The following CCSER1 variants were observed in gnomAD, a reference collection of about 807,000 sequenced individuals.
CCSER1 encodes serine-rich coiled-coil domain-containing protein 1.
A neutral mutation model predicts 82.0 loss-of-function variants in CCSER1; 41 were observed. The observed-to-expected ratio is 0.50, with a 90% CI of 0.39 to 0.65. CCSER1 has a LOEUF of 0.65. CCSER1 is among the 30% of genes least tolerant of loss of function. The pLI, the probability that CCSER1 is intolerant of heterozygous loss-of-function variation, is 0.00. For missense variants in CCSER1, 1,119 were observed against 1,064.2 expected (o/e 1.05, Z -0.72); for synonymous variants, 414 against 383.9 (o/e 1.08, Z -0.92).
At chr4:91,437,258 C>T (rs1367244552) in intron 10 of CCSER1, among the ~76,000 whole-genome samples, 1 of 152,186 alleles carries the variant, frequency 6.6e-6, no homozygotes, top group African/African-American at 2.4e-5. Flanking sequence ...AAGTATATCT[C>T]ATACCCTGGG....
At chr4:91,061,766 T>G (rs1743975167) in intron 9 of CCSER1, among the ~76,000 whole-genome samples, 2 of 151,632 alleles carry the variant, frequency 1.3e-5, no homozygotes, top group African/African-American at 4.8e-5. Context: ...GTTAATTTAT[T>G]TTTTTTTCAC....
intron 7 of CCSER1, among the ~76,000 whole-genome samples, chr4:90,731,388 A>G (rs1218517054): frequency 6.6e-6 from 1 of 152,166 alleles, no homozygotes; most frequent in East Asian, 1.9e-4. Flanking sequence ...TGCAGGGGAT[A>G]ATATTCAATC....
intron 10 of CCSER1, among the ~76,000 whole-genome samples, chr4:91,196,538 C>CAG (rs148258015): frequency 0.016 from 2,460 of 152,284 alleles, 54 homozygotes; most frequent in African/African-American, 0.054. Context: ...GAAAAATCCG[C>CAG]AGTCATGACA....
chr4:90,749,049 C>A (rs1748077159), intron 7 of CCSER1, among the ~76,000 whole-genome samples: 1 of 151,608 alleles, frequency 6.6e-6, no homozygotes, highest in African/African-American at 2.4e-5. Flanking sequence ...TAATTAGATC[C>A]CATTTGTCAA....
intron 4 of CCSER1, among the ~76,000 whole-genome samples, chr4:90,439,440 C>A (rs1379556673): frequency 6.6e-6 from 1 of 152,104 alleles, no homozygotes; most frequent in Non-Finnish European, 1.5e-5. Context: ...TTTTTAGTAA[C>A]TATAAAACAT....
chr4:90,489,439 A>T (rs1420563957), intron 5 of CCSER1, among the ~76,000 whole-genome samples: 2 of 152,176 alleles, frequency 1.3e-5, no homozygotes, highest in Non-Finnish European at 2.9e-5. Flanking sequence ...GGGAGTCAGC[A>T]TTCTTATATC....
At chr4:90,175,366 C>T (rs140728144) in intron 1 of CCSER1, among the ~76,000 whole-genome samples, 4,435 of 151,798 alleles carry the variant, frequency 0.029, 107 homozygotes, top group South Asian at 0.06. Context: ...GTATGCTGGC[C>T]GGAAAAGATG....
chr4:90,799,711 A>G (rs1342797754), intron 7 of CCSER1, among the ~76,000 whole-genome samples: 1 of 152,154 alleles, frequency 6.6e-6, no homozygotes. Flanking sequence ...CTATGGGAGC[A>G]AGTCAAACCA....
chr4:90,664,582 T>C (rs894385149), intron 6 of CCSER1, among the ~76,000 whole-genome samples: 6 of 152,186 alleles, frequency 3.9e-5, no homozygotes, highest in African/African-American at 1.4e-4. Flanking sequence ...TTGACAAATA[T>C]CTATTTACAA....
chr4:91,029,872 C>A (rs1050551429), intron 9 of CCSER1, among the ~76,000 whole-genome samples: 1 of 152,020 alleles, frequency 6.6e-6, no homozygotes, highest in African/African-American at 2.4e-5. Context: ...TACCACACTG[C>A]AAAAGCATGG....
intron 7 of CCSER1, among the ~76,000 whole-genome samples, chr4:90,751,860 TAAA>T (rs1483772099): frequency 2.0e-5 from 3 of 152,072 alleles, no homozygotes; most frequent in Non-Finnish European, 4.4e-5. Flanking sequence ...TTTTAAAAAT[TAAA>T]AAGTATAGGA....
At chr4:90,730,604 G>A (rs902709779) in intron 7 of CCSER1, among the ~76,000 whole-genome samples, 2 of 152,152 alleles carry the variant, frequency 1.3e-5, no homozygotes, top group Non-Finnish European at 2.9e-5. Context: ...GGTGATAAAT[G>A]TTATGATGAA....
At chr4:90,553,781 G>C (rs1777802036) in intron 5 of CCSER1, among the ~76,000 whole-genome samples, 1 of 152,152 alleles carries the variant, frequency 6.6e-6, no homozygotes, top group Non-Finnish European at 1.5e-5. Context: ...TGCAGAGTTG[G>C]ATTTGCAGAC....
intron 4 of CCSER1, among the ~76,000 whole-genome samples, chr4:90,434,551 C>T (rs1439276559): frequency 6.6e-6 from 1 of 152,040 alleles, no homozygotes; most frequent in Non-Finnish European, 1.5e-5. Context: ...TGATAAGAAG[C>T]AGTTTGTTGA....
chr4:90,592,382 T>G (rs376483040), intron 5 of CCSER1, among the ~76,000 whole-genome samples: 3 of 152,122 alleles, frequency 2.0e-5, no homozygotes, highest in African/African-American at 4.8e-5. Context: ...TTCATTTTTT[T>G]TGTGTATTTT....
intron 5 of CCSER1, among the ~76,000 whole-genome samples, chr4:90,596,013 T>A (rs1783291703): frequency 6.6e-6 from 1 of 151,942 alleles, no homozygotes; most frequent in African/African-American, 2.4e-5. Context: ...TGGATTCCAC[T>A]TCCAGAGGTC....
At chr4:90,933,104 C>T (rs565560648) in intron 9 of CCSER1, among the ~76,000 whole-genome samples, 1 of 144,542 alleles carries the variant, frequency 6.9e-6, no homozygotes, top group South Asian at 2.2e-4. Flanking sequence ...AAGAAAGAAA[C>T]AATGTTGTTC....
chr4:91,465,016 C>G (rs1217670901), intron 10 of CCSER1, among the ~76,000 whole-genome samples: 1 of 152,192 alleles, frequency 6.6e-6, no homozygotes, highest in Non-Finnish European at 1.5e-5. Context: ...GAATAGACAT[C>G]TACAGAACTC....
intron 10 of CCSER1, among the ~76,000 whole-genome samples, chr4:91,520,351 A>T (rs1182922291): frequency 6.6e-6 from 1 of 150,466 alleles, no homozygotes; most frequent in Non-Finnish European, 1.5e-5. Flanking sequence ...TTGAACGTGT[A>T]GGCTCGCCTC....
Sources: allele counts gnomAD v4.1 joint callset (sites outside exome capture counted in the v4.1 genomes callset), GRCh38; gene constraint gnomAD v4.1.1; transcripts MANE v1.5; gene names NCBI Gene and HGNC (gene_info 2026-07-23, HGNC 2026-07-21).